PDE4B: variants seen among roughly 807,000 people sequenced by gnomAD.
PDE4B encodes the protein phosphodiesterase 4B.
Under a neutral mutation model 82.2 loss-of-function variants are expected in PDE4B, and 20 were observed. That is an observed-to-expected ratio of 0.24 (90% CI 0.17 to 0.35). PDE4B has a LOEUF of 0.35. Ranked by LOEUF, PDE4B falls within the 10% of genes least tolerant of loss-of-function variation. PDE4B has a pLI of 1.00. For missense variants in PDE4B, 655 were observed against 907.2 expected (o/e 0.72, Z 3.57); for synonymous variants, 320 against 318.9 (o/e 1.00, Z -0.04).
At chr1:65,895,426 T>G (rs1646898348) in intron 1 of PDE4B, among the ~76,000 whole-genome samples, 1 of 151,704 alleles carries the variant, frequency 6.6e-6, no homozygotes, top group East Asian at 1.9e-4. Context: ...GGCAGGCACC[T>G]GTAATCTCAG....
At chr1:66,113,919 G>A (rs1433962682) in intron 3 of PDE4B, among the ~76,000 whole-genome samples, 1 of 152,146 alleles carries the variant, frequency 6.6e-6, no homozygotes, top group Admixed American at 6.5e-5. Flanking sequence ...TGTGCATAAG[G>A]TCATTTAATC....
chr1:65,822,906 A>G (rs1645970182), intron 1 of PDE4B, among the ~76,000 whole-genome samples: 1 of 152,352 alleles, frequency 6.6e-6, no homozygotes. Context: ...AGCAGCAGAA[A>G]CATACTAAGA....
chr1:66,361,576 A>C, intron 9 of PDE4B, 39 bp from the exon 10 acceptor site: 1 of 1,539,518 alleles, frequency 6.5e-7, no homozygotes, highest in South Asian at 1.2e-5. Context: ...ATTCTCATAG[A>C]CACATGTGCT....
intron 3 of PDE4B, among the ~76,000 whole-genome samples, chr1:66,080,957 T>C (rs1308293631): frequency 1.3e-5 from 2 of 152,106 alleles, no homozygotes; most frequent in Admixed American, 6.6e-5. Context: ...TCTATGTCCA[T>C]GTGTATCCAA....
At chr1:66,348,277 T>C (rs899711637) in intron 8 of PDE4B, among the ~76,000 whole-genome samples, 1 of 151,974 alleles carries the variant, frequency 6.6e-6, no homozygotes, top group Non-Finnish European at 1.5e-5. Context: ...AACAAAAGAG[T>C]GACTGAATAA....
chr1:66,263,715 C>A (rs991209230), intron 6 of PDE4B, among the ~76,000 whole-genome samples: 4 of 152,226 alleles, frequency 2.6e-5, no homozygotes, highest in African/African-American at 9.6e-5. Flanking sequence ...ATTAAAGAGA[C>A]CATTCTTGGC....
chr1:65,853,205 T>C (rs1036767095), intron 1 of PDE4B, among the ~76,000 whole-genome samples: 1 of 152,228 alleles, frequency 6.6e-6, no homozygotes, highest in East Asian at 1.9e-4. Context: ...AGTATTCTTA[T>C]GATTACAATT....
At chr1:66,205,889 C>G (rs1415716389) in intron 3 of PDE4B, among the ~76,000 whole-genome samples, 1 of 152,240 alleles carries the variant, frequency 6.6e-6, no homozygotes, top group Non-Finnish European at 1.5e-5. Context: ...TTCAGGTAGA[C>G]TGCTCAGCTG....
intron 3 of PDE4B, among the ~76,000 whole-genome samples, chr1:66,101,806 T>C (rs1645230816): frequency 6.6e-6 from 1 of 152,206 alleles, no homozygotes. Context: ...GATGGTAGTT[T>C]CTTTTGCTGT....
intron 3 of PDE4B, among the ~76,000 whole-genome samples, chr1:66,127,213 G>A (rs1432552854): frequency 3.3e-5 from 5 of 152,050 alleles, no homozygotes; most frequent in Non-Finnish European, 4.4e-5. Context: ...AATACATCTC[G>A]CATGAAGGTA....
intron 6 of PDE4B, among the ~76,000 whole-genome samples, chr1:66,263,681 G>A (rs934380524): frequency 1.3e-5 from 2 of 152,070 alleles, no homozygotes; most frequent in African/African-American, 2.4e-5. Context: ...TGACCCTAAA[G>A]GTACAAATAA....
intron 7 of PDE4B, among the ~76,000 whole-genome samples, chr1:66,330,430 GA>G (rs1168457714): frequency 6.6e-6 from 1 of 152,166 alleles, no homozygotes; most frequent in Non-Finnish European, 1.5e-5. Flanking sequence ...GGTCAAGCTT[GA>G]ATAGAAATCA....
rs1184974364 is a variant in PDE4B at position 66,257,685 on chromosome 1, T to A, written c.513+2T>A. 6.2e-7 allele frequency: 1 copy of A among 1,613,486 alleles called. No individual in the cohort carries two copies. Among genetic ancestry groups the A allele is most frequent in the East Asian group, 2.2e-5 (1 of 44,880 alleles). On this transcript the variant is annotated splice_donor_variant, in intron 5 of 16. Transcript: ENST00000341517. LOFTEE classifies it high-confidence loss of function. ...TTGATTGTAACTCCTTTTGCCCAGG[T>A]ATGTATTATGCTGGCCCTGGCTTGC...
chr1:66,340,883 A>T (rs902937477), intron 8 of PDE4B, among the ~76,000 whole-genome samples: 1 of 152,228 alleles, frequency 6.6e-6, no homozygotes, highest in African/African-American at 2.4e-5. Flanking sequence ...ACTCAATTAT[A>T]TAGGCTATGC....
intron 3 of PDE4B, among the ~76,000 whole-genome samples, chr1:65,966,915 A>G (rs1326576799): frequency 6.6e-6 from 1 of 152,184 alleles, no homozygotes; most frequent in Non-Finnish European, 1.5e-5. Flanking sequence ...TAAACATAAG[A>G]TCTAAAACCA....
At chr1:66,013,204 T>C (rs575074112) in intron 3 of PDE4B, among the ~76,000 whole-genome samples, 22 of 152,240 alleles carry the variant, frequency 1.4e-4, no homozygotes, top group African/African-American at 5.3e-4. Context: ...ACTCAGTGAA[T>C]GTTTTTTTAC....
At chr1:66,070,234 G>A (rs1656083972) in intron 3 of PDE4B, among the ~76,000 whole-genome samples, 1 of 151,772 alleles carries the variant, frequency 6.6e-6, no homozygotes, top group Admixed American at 6.6e-5. Flanking sequence ...TGATTAATGT[G>A]TCTATATGCA....
intron 3 of PDE4B, chr1:66,112,742 T>C (rs1298331388): frequency 6.6e-6 from 1 of 152,180 alleles, no homozygotes; most frequent in Non-Finnish European, 1.5e-5. Flanking sequence ...CACCTTATCA[T>C]ATTTAATAAT....
intron 3 of PDE4B, among the ~76,000 whole-genome samples, chr1:65,989,860 C>A (rs1651151199): frequency 6.9e-6 from 1 of 144,234 alleles, no homozygotes; most frequent in Non-Finnish European, 1.5e-5. Context: ...CTTGTAGGCT[C>A]ATCTTTGATT....
Sources: gnomAD v4.1 joint callset for allele counts (sites outside exome capture counted in the v4.1 genomes callset) on GRCh38, gnomAD v4.1.1 for gene constraint, MANE v1.5 for transcripts, NCBI Gene and HGNC (gene_info 2026-07-23, HGNC 2026-07-21) for gene names.